The following GABRA3 variants were observed in gnomAD, a reference collection of about 807,000 sequenced individuals.
The protein encoded by GABRA3 is gamma-aminobutyric acid type A receptor subunit alpha3.
In GABRA3, 10 loss-of-function variants were observed where a neutral mutation model predicts 30.1. That is an observed-to-expected ratio of 0.33 (90% CI 0.20 to 0.56). The LOEUF (loss-of-function observed/expected upper bound fraction) is 0.56. Ranked by LOEUF, GABRA3 falls within the 20% of genes least tolerant of loss-of-function variation. The probability of loss-of-function intolerance (pLI) is 0.89; values close to 1 mark genes in which losing one functional copy is unlikely to be tolerated. For missense variants in GABRA3, 233 were observed against 392.0 expected (o/e 0.59, Z 3.42); for synonymous variants, 151 against 146.8 (o/e 1.03, Z -0.21).
At chrX:152,368,716 T>C (rs1928730808) in intron 1 of GABRA3, among the ~76,000 whole-genome samples, 1 of 88,003 alleles carries the variant, frequency 1.1e-5, no homozygotes, top group Admixed American at 1.3e-4. Context: ...TTTTTTTTTT[T>C]TTTTTTTGAG....
intron 1 of GABRA3, among the ~76,000 whole-genome samples, chrX:152,378,147 G>A (rs1268309441): frequency 8.9e-6 from 1 of 111,942 alleles, no homozygotes; most frequent in African/African-American, 3.2e-5. Flanking sequence ...TGACATTTTT[G>A]TATTAGGCTT....
At chrX:152,355,667 C>G (rs750805443) in intron 2 of GABRA3, among the ~76,000 whole-genome samples, 1 of 111,936 alleles carries the variant, frequency 8.9e-6, no homozygotes, top group Non-Finnish European at 1.9e-5. Flanking sequence ...GGGATCCTGA[C>G]AAATTCAACA....
At chrX:152,432,667 A>T (rs953820863) in intron 1 of GABRA3, among the ~76,000 whole-genome samples, 2 of 111,561 alleles carry the variant, frequency 1.8e-5, no homozygotes, top group East Asian at 5.6e-4. Context: ...TCACACCAGG[A>T]TCTAAAATCA....
chrX:152,274,865 A>G (rs1452004224), intron 4 of GABRA3, among the ~76,000 whole-genome samples: 3 of 107,460 alleles, frequency 2.8e-5, no homozygotes, highest in Non-Finnish European at 5.7e-5. Flanking sequence ...AAAACAAAAA[A>G]AGGTTACTTT....
In GABRA3 at chrX:152,251,504, A is replaced by G. The variant is rs182833460; in HGVS notation, c.551+4274T>C. ...ATCCTGTTCTTTTCATTCATTCTCT[A>G]TTTCTCCTCACTATTTGCAATCTCT... On this transcript the variant is annotated intron_variant, in intron 5 of 9. Coordinates refer to ENST00000370314, the MANE Select transcript of GABRA3 (RefSeq NM_000808.4). Among the ~76,000 whole-genome samples, 8 of 104,719 alleles carry G rather than the reference A, an allele frequency of 7.6e-5. No individual in the cohort carries two copies. In the East Asian group the frequency reaches 2.5e-3, roughly 32 times the overall value. 90.9% of individuals were successfully genotyped at this position (104,719 alleles called of 115,157 possible).
intron 5 of GABRA3, among the ~76,000 whole-genome samples, chrX:152,246,081 T>C (rs757233451): frequency 9.0e-6 from 1 of 111,710 alleles, no homozygotes; most frequent in Non-Finnish European, 1.9e-5. Context: ...AAATGCCTTG[T>C]CCATGGTTAC....
At chrX:152,184,992 T>A (rs984521403) in intron 9 of GABRA3, among the ~76,000 whole-genome samples, 1 of 111,937 alleles carries the variant, frequency 8.9e-6, no homozygotes, top group Non-Finnish European at 1.9e-5. Flanking sequence ...TAATGCCTGA[T>A]CATAATACAG....
chrX:152,265,733 G>C (rs781080015), intron 4 of GABRA3, among the ~76,000 whole-genome samples: 1 of 110,927 alleles, frequency 9.0e-6, no homozygotes, highest in African/African-American at 3.3e-5. Flanking sequence ...AGATAAACTT[G>C]ATAAACCTTT....
At chrX:152,309,059 T>C (rs1021824855) in intron 3 of GABRA3, among the ~76,000 whole-genome samples, 6 of 112,023 alleles carry the variant, frequency 5.4e-5, no homozygotes, top group Non-Finnish European at 1.1e-4. Context: ...AAACTGCACC[T>C]TTGAATAAAC....
At chrX:152,400,698 G>A (rs913702835) in intron 1 of GABRA3, among the ~76,000 whole-genome samples, 2 of 111,057 alleles carry the variant, frequency 1.8e-5, no homozygotes, top group African/African-American at 6.5e-5. Context: ...TAGTATCCTG[G>A]ATTACCCAGG....
intron 1 of GABRA3, among the ~76,000 whole-genome samples, chrX:152,413,284 G>A: frequency 9.1e-6 from 1 of 110,019 alleles, no homozygotes; most frequent in Non-Finnish European, 1.9e-5. Context: ...AGGTGAATAG[G>A]AAAGAACAGT....
At chrX:152,270,698 T>C (rs1938916120) in intron 4 of GABRA3, among the ~76,000 whole-genome samples, 1 of 109,588 alleles carries the variant, frequency 9.1e-6, no homozygotes, top group Non-Finnish European at 1.9e-5. Context: ...CTACTAAAAA[T>C]ACAAAAATTA....
At chrX:152,248,789 A>C (rs746637957) in intron 5 of GABRA3, among the ~76,000 whole-genome samples, 1 of 111,808 alleles carries the variant, frequency 8.9e-6, no homozygotes, top group African/African-American at 3.2e-5. Flanking sequence ...ATGACGATAT[A>C]TTGCATTCTT....
chrX:152,408,547 T>C (rs181324586), intron 1 of GABRA3, among the ~76,000 whole-genome samples: 1 of 110,693 alleles, frequency 9.0e-6, no homozygotes, highest in Admixed American at 9.6e-5. Context: ...AACTGCAAAA[T>C]GTTGATGTAA....
At chrX:152,298,494 G>A (rs1456047753) in intron 3 of GABRA3, among the ~76,000 whole-genome samples, 2 of 108,494 alleles carry the variant, frequency 1.8e-5, no homozygotes, top group Admixed American at 9.9e-5. Flanking sequence ...TTGTCCTTGC[G>A]ATAGTTTGCT....
At chrX:152,359,959 T>G (rs1928433635) in intron 2 of GABRA3, among the ~76,000 whole-genome samples, 1 of 108,317 alleles carries the variant, frequency 9.2e-6, no homozygotes, top group African/African-American at 3.4e-5. Flanking sequence ...GAATGATGGT[T>G]TCCAATTTCA....
In GABRA3 at chrX:152,359,893, G is replaced by A. The variant is rs184179621; in HGVS notation, c.140+4538C>T. On this transcript the variant is annotated intron_variant, in intron 2 of 9. Transcript: ENST00000370314. ...ATGCCTCAAAAGTATTAATTGCACT[G>A]GGCTTGGAGGAAAGTAAAGAAAAAA... is the stretch of plus-strand genomic sequence containing the variant. Among the ~76,000 whole-genome samples, 12 of 111,631 alleles carry A rather than the reference G, an allele frequency of 1.1e-4. No homozygotes were observed. The East Asian group carries it at 3.4e-3, about 31-fold the overall frequency.
intron 3 of GABRA3, among the ~76,000 whole-genome samples, chrX:152,291,030 GT>G (rs756268071): frequency 9.0e-6 from 1 of 111,053 alleles, no homozygotes; most frequent in Non-Finnish European, 1.9e-5. Context: ...CTTTAAAGTA[GT>G]TTTTTTCCAA....
At chrX:152,423,984 A>C (rs1388894574) in intron 1 of GABRA3, among the ~76,000 whole-genome samples, 1 of 111,798 alleles carries the variant, frequency 8.9e-6, no homozygotes, top group East Asian at 2.8e-4. Context: ...AAGATAACTA[A>C]TATATTAATT....
Sources: gnomAD v4.1 joint callset for allele counts (sites outside exome capture counted in the v4.1 genomes callset) on GRCh38, gnomAD v4.1.1 for gene constraint, MANE v1.5 for transcripts, NCBI Gene and HGNC (gene_info 2026-07-23, HGNC 2026-07-21) for gene names.